Variants in DGKI observed in about 807,000 individuals in gnomAD.
The protein encoded by DGKI is diacylglycerol kinase iota.
DGKI carries 55 observed loss-of-function variants against 147.5 expected under a neutral mutation model. That is an observed-to-expected ratio of 0.37 (90% CI 0.30 to 0.47). DGKI has a LOEUF of 0.47. Ranked by LOEUF, DGKI falls within the 20% of genes least tolerant of loss-of-function variation. The pLI, the probability that DGKI is intolerant of heterozygous loss-of-function variation, is 1.00. For synonymous variants in DGKI, 469 were observed against 477.1 expected, an observed-to-expected ratio of 0.98 and a Z score of 0.22; for missense variants, 1,007 against 1,323.8, an observed-to-expected ratio of 0.76 and a Z score of 3.71.
At chr7:137,500,872 AAGC>A (rs1398312187) in intron 21 of DGKI, among the ~76,000 whole-genome samples, 1 of 152,174 alleles carries the variant, frequency 6.6e-6, no homozygotes, top group African/African-American at 2.4e-5. Flanking sequence ...TTTATGTTAG[AAGC>A]AGTCTCAATC....
At chr7:137,680,221 T>C (rs61140981) in intron 2 of DGKI, among the ~76,000 whole-genome samples, 9,792 of 152,068 alleles carry the variant, frequency 0.064, 999 homozygotes, top group African/African-American at 0.22. Context: ...AGGAAGAGGA[T>C]TCTACCCAGG....
In DGKI at chr7:137,387,821, T is replaced by A. The variant is rs1811222986; in HGVS notation, c.*3399A>T. The A allele has an allele frequency of 6.6e-6, 1 of 152,178 alleles. No individual in the cohort carries two copies. The highest frequency in any genetic ancestry group is 6.5e-5 in the Admixed American group (1 of 15,274). 9.4% of individuals were successfully genotyped at this position (152,178 alleles called of 1,614,324 possible). Reference sequence around the variant, plus strand: ...CTAAATATTATTAATAAAATTGACATGTAATAAAATAAAGATGCTGTGTCA... The same window carrying A: ...CTAAATATTATTAATAAAATTGACAAGTAATAAAATAAAGATGCTGTGTCA... On this transcript the variant is annotated 3_prime_UTR_variant, in exon 33 of 33. Coordinates refer to ENST00000614521, the MANE Select transcript of DGKI (RefSeq NM_001321708.2).
intron 28 of DGKI, among the ~76,000 whole-genome samples, chr7:137,437,151 C>A (rs1813317384): frequency 6.6e-6 from 1 of 152,072 alleles, no homozygotes; most frequent in African/African-American, 2.4e-5. Context: ...AAGGTTTTAA[C>A]CAGTGCAGAA....
intron 1 of DGKI, among the ~76,000 whole-genome samples, chr7:137,807,086 A>T (rs1437916382): frequency 6.6e-6 from 1 of 152,142 alleles, no homozygotes; most frequent in Non-Finnish European, 1.5e-5. Flanking sequence ...TATGTCAGTG[A>T]TCTGTTCTGT....
rs140881267 is a variant in DGKI at position 137,398,459 on chromosome 7, G to A, written c.2921-1046C>T. ...TGCTTAAACATTTGATTGAATGGAT[G>A]AATAAATATGCTTGTAAGTGCCAAA... On this transcript the variant is annotated intron_variant, in intron 30 of 32. Coordinates refer to ENST00000614521, the MANE Select transcript of DGKI (RefSeq NM_001321708.2). Among the ~76,000 whole-genome samples the A allele has an allele frequency of 5.0e-3, 755 of 152,296 alleles. 7 individuals are homozygous for A. Among genetic ancestry groups the A allele is most frequent in the Non-Finnish European group, 7.6e-3 (518 of 68,028 alleles).
chr7:137,414,165 A>C (rs1812271695), intron 28 of DGKI, among the ~76,000 whole-genome samples: 1 of 152,178 alleles, frequency 6.6e-6, no homozygotes, highest in South Asian at 2.1e-4. Context: ...AGTATGTATG[A>C]GTCCTGGGTG....
intron 3 of DGKI, among the ~76,000 whole-genome samples, chr7:137,668,520 C>CTCAT (rs1349190248): frequency 6.6e-6 from 1 of 152,212 alleles, no homozygotes. Flanking sequence ...CCTCATTGAA[C>CTCAT]TCATTCATTC....
At chr7:137,402,601 C>T (rs980599614) in intron 30 of DGKI, among the ~76,000 whole-genome samples, 1 of 152,216 alleles carries the variant, frequency 6.6e-6, no homozygotes, top group Non-Finnish European at 1.5e-5. Flanking sequence ...TCACATGCAT[C>T]CTTTAATTTG....
intron 20 of DGKI, among the ~76,000 whole-genome samples, chr7:137,528,126 G>T (rs747604469): frequency 1.3e-5 from 2 of 152,182 alleles, no homozygotes; most frequent in Non-Finnish European, 2.9e-5. Flanking sequence ...AGCACAGCTT[G>T]GCATTGGAGC....
chr7:137,833,434 T>C (rs1472328453), intron 1 of DGKI, among the ~76,000 whole-genome samples: 5 of 152,162 alleles, frequency 3.3e-5, no homozygotes, highest in Non-Finnish European at 2.9e-5. Context: ...TCAGATCTCA[T>C]GAGACTTATT....
At chr7:137,499,219 A>T in intron 21 of DGKI, among the ~76,000 whole-genome samples, 1 of 152,318 alleles carries the variant, frequency 6.6e-6, no homozygotes, top group South Asian at 2.1e-4. Context: ...TAAAGTAGTT[A>T]TCCCAGTAGA....
chr7:137,493,170 A>G (rs2128938744), intron 21 of DGKI, among the ~76,000 whole-genome samples: 1 of 152,230 alleles, frequency 6.6e-6, no homozygotes, highest in South Asian at 2.1e-4. Context: ...TAGCACCAGT[A>G]CTCAAATGAA....
intron 21 of DGKI, among the ~76,000 whole-genome samples, chr7:137,488,227 A>G (rs896093244): frequency 1.1e-4 from 16 of 152,196 alleles, no homozygotes; most frequent in African/African-American, 3.9e-4. Context: ...CACTGTTGCT[A>G]CCTGGTGGCC....
In DGKI at chr7:137,620,037, A is replaced by ACT. The variant is rs1820689759; in HGVS notation, c.877-98_877-97insAG. ...TACACACGCACACACACACACACAC[A>ACT]CACACACACACACACACTCATTACA... On this transcript the variant is annotated intron_variant, in intron 7 of 32. Coordinates refer to ENST00000614521, the MANE Select transcript of DGKI (RefSeq NM_001321708.2). The ACT allele has an allele frequency of 4.0e-6, 3 of 752,558 alleles. No homozygotes were observed. The East Asian group carries it at 7.5e-5, about 19-fold the overall frequency. The allele number at this position is 752,558 out of a possible 1,614,324, so 46.6% of individuals were successfully genotyped here.
At chr7:137,828,225 A>C (rs1585542086) in intron 1 of DGKI, among the ~76,000 whole-genome samples, 1 of 152,340 alleles carries the variant, frequency 6.6e-6, no homozygotes, top group South Asian at 2.1e-4. Context: ...TTCTCCAATA[A>C]GTTATAAGCA....
intron 5 of DGKI, among the ~76,000 whole-genome samples, chr7:137,645,840 T>C (rs1216800601): frequency 6.6e-6 from 1 of 152,240 alleles, no homozygotes; most frequent in African/African-American, 2.4e-5. Flanking sequence ...CAAATATTTA[T>C]GGGTATGACT....
chr7:137,588,521 G>A (rs1455043954), intron 12 of DGKI, among the ~76,000 whole-genome samples: 2 of 141,754 alleles, frequency 1.4e-5, no homozygotes, highest in African/African-American at 5.5e-5. Flanking sequence ...CGGTCGTCCA[G>A]GCTGGAGTGC....
At chr7:137,709,284 C>G (rs537252891) in intron 1 of DGKI, among the ~76,000 whole-genome samples, 46 of 152,100 alleles carry the variant, frequency 3.0e-4, no homozygotes, top group Non-Finnish European at 6.2e-4. Flanking sequence ...CCACTGGGTA[C>G]TGGGAGTCAC....
chr7:137,466,784 C>G (rs1814677921), intron 25 of DGKI, 118 bp downstream of exon 25: 1 of 986,340 alleles, frequency 1.0e-6, no homozygotes, highest in African/African-American at 1.6e-5. Context: ...TTATGAACAC[C>G]ATTCCAAAAT....
Sources: allele counts gnomAD v4.1 joint callset (sites outside exome capture counted in the v4.1 genomes callset), GRCh38; gene constraint gnomAD v4.1.1; transcripts MANE v1.5; gene names NCBI Gene and HGNC (gene_info 2026-07-23, HGNC 2026-07-21).